The following GTF2F2 variants were observed in gnomAD, a reference collection of about 807,000 sequenced individuals.
The protein encoded by GTF2F2 is general transcription factor IIF subunit 2, also known as ATP-dependent helicase GTF2F2.
A neutral mutation model predicts 42.2 loss-of-function variants in GTF2F2; 23 were observed. That is an observed-to-expected ratio of 0.55 (90% CI 0.39 to 0.77). The LOEUF (loss-of-function observed/expected upper bound fraction) is 0.77, where lower values mean the gene tolerates loss of function less well. Among genes scored for constraint, GTF2F2 ranks in the 30% least tolerant of loss-of-function variants. The pLI is 0.00. For missense variants in GTF2F2, 261 were observed against 287.2 expected, an observed-to-expected ratio of 0.91 and a Z score of 0.66; for synonymous variants, 105 against 100.8, an observed-to-expected ratio of 1.04 and a Z score of -0.25.
At chr13:45,204,936 G>A (rs1873352402) in intron 4 of GTF2F2, among the ~76,000 whole-genome samples, 1 of 152,194 alleles carries the variant, frequency 6.6e-6, no homozygotes, top group South Asian at 2.1e-4. Context: ...GAAGAATAGT[G>A]AGGAGATTGG....
chr13:45,164,111 C>T lies in GTF2F2; in HGVS notation c.304+12280C>T, dbSNP rs149276927. Among the ~76,000 whole-genome samples the T allele has an allele frequency of 1.1e-4, 17 of 152,286 alleles. No individual in the cohort carries two copies. In the East Asian group the frequency reaches 2.3e-3, roughly 21 times the overall value. The stretch of plus-strand genomic sequence containing the variant: ...CCCGGCCAACTTGGCGAAACCCCGT[C>T]TCTACTAAAAATACAAAAATTAGTC... On this transcript the variant is annotated intron_variant, in intron 4 of 7. Coordinates refer to ENST00000340473, the MANE Select transcript of GTF2F2 (RefSeq NM_004128.3).
At chr13:45,194,264 C>T (rs770280879) in intron 4 of GTF2F2, 20 of 1,614,046 alleles carry the variant, frequency 1.2e-5, no homozygotes, top group South Asian at 5.5e-5. Flanking sequence ...CGAAACCCTT[C>T]GGGCAATAGA....
chr13:45,152,069 C>G (rs1359472574), intron 4 of GTF2F2, among the ~76,000 whole-genome samples: 1 of 152,060 alleles, frequency 6.6e-6, no homozygotes, highest in Non-Finnish European at 1.5e-5. Flanking sequence ...GCATGCGCCA[C>G]CATGCCTGGC....
intron 5 of GTF2F2, among the ~76,000 whole-genome samples, chr13:45,238,274 G>A (rs1340651226): frequency 6.6e-6 from 1 of 152,086 alleles, no homozygotes; most frequent in African/African-American, 2.4e-5. Flanking sequence ...TTTAAAGAAT[G>A]AAACTCAAGT....
At chr13:45,156,163 A>G (rs1169430972) in intron 4 of GTF2F2, among the ~76,000 whole-genome samples, 1 of 152,160 alleles carries the variant, frequency 6.6e-6, no homozygotes, top group African/African-American at 2.4e-5. Flanking sequence ...TGTTCAATAG[A>G]TATTTTTGGT....
intron 1 of GTF2F2, among the ~76,000 whole-genome samples, chr13:45,133,634 G>A (rs147725724): frequency 7.2e-4 from 109 of 152,326 alleles, no homozygotes; most frequent in African/African-American, 2.3e-3. Context: ...AGTGAAGGCC[G>A]TGGAATAAGC....
intron 5 of GTF2F2, among the ~76,000 whole-genome samples, chr13:45,229,035 CCA>C (rs1310906855): frequency 1.3e-5 from 2 of 152,124 alleles, no homozygotes; most frequent in African/African-American, 4.8e-5. Context: ...GTGCCTGCCA[CCA>C]CATCCGGCTA....
chr13:45,221,063 C>T (rs1294843108), intron 5 of GTF2F2, among the ~76,000 whole-genome samples: 2 of 152,016 alleles, frequency 1.3e-5, no homozygotes, highest in African/African-American at 4.8e-5. Context: ...CACTCATGTA[C>T]ACCATTCCCC....
chr13:45,227,546 A>T (rs1874420690), intron 5 of GTF2F2, among the ~76,000 whole-genome samples: 1 of 152,240 alleles, frequency 6.6e-6, no homozygotes, highest in South Asian at 2.1e-4. Flanking sequence ...TTTTTAAAAA[A>T]CAAATATCGC....
At chr13:45,265,013 C>T (rs1485697286) in intron 6 of GTF2F2, among the ~76,000 whole-genome samples, 1 of 152,110 alleles carries the variant, frequency 6.6e-6, no homozygotes, top group Non-Finnish European at 1.5e-5. Flanking sequence ...GTAATCCTAG[C>T]ACTTTGGGAG....
intron 5 of GTF2F2, among the ~76,000 whole-genome samples, chr13:45,210,202 C>G (rs1400088648): frequency 1.3e-5 from 2 of 152,182 alleles, no homozygotes; most frequent in Non-Finnish European, 2.9e-5. Context: ...TCTACAGGGT[C>G]CTATGTGATC....
At chr13:45,158,048 TTTG>T (rs1308447753) in intron 4 of GTF2F2, among the ~76,000 whole-genome samples, 1 of 152,246 alleles carries the variant, frequency 6.6e-6, no homozygotes, top group Non-Finnish European at 1.5e-5. Flanking sequence ...ATTTGGTCAT[TTTG>T]TTGTTTCTGT....
intron 5 of GTF2F2, among the ~76,000 whole-genome samples, chr13:45,209,279 A>G (rs1372769964): frequency 1.3e-5 from 2 of 152,210 alleles, no homozygotes; most frequent in Non-Finnish European, 2.9e-5. Flanking sequence ...ATTGTGTTAC[A>G]GTTGCCTACA....
chr13:45,225,698 C>T (rs2138210262), intron 5 of GTF2F2, among the ~76,000 whole-genome samples: 1 of 151,596 alleles, frequency 6.6e-6, no homozygotes, highest in South Asian at 2.1e-4. Flanking sequence ...AGAGCAAAGG[C>T]AAAATATTTC....
intron 4 of GTF2F2, among the ~76,000 whole-genome samples, chr13:45,174,634 CTTT>C (rs397950608): frequency 1.2e-5 from 1 of 81,504 alleles, no homozygotes; most frequent in Non-Finnish European, 2.6e-5. Flanking sequence ...TTTCTTTTTT[CTTT>C]TTTTTTTTTT....
intron 4 of GTF2F2, among the ~76,000 whole-genome samples, chr13:45,171,052 A>G (rs1871570520): frequency 6.7e-6 from 1 of 149,202 alleles, no homozygotes; most frequent in Non-Finnish European, 1.5e-5. Context: ...TGAAAATGCT[A>G]CTGCCTAAAA....
At chr13:45,275,887 C>G (rs1877013911) in intron 7 of GTF2F2, among the ~76,000 whole-genome samples, 1 of 152,194 alleles carries the variant, frequency 6.6e-6, no homozygotes, top group Non-Finnish European at 1.5e-5. Flanking sequence ...CACTGTCTTC[C>G]ACAATGGTTG....
intron 2 of GTF2F2, among the ~76,000 whole-genome samples, chr13:45,143,425 G>A (rs1260995025): frequency 6.6e-6 from 1 of 152,176 alleles, no homozygotes; most frequent in Non-Finnish European, 1.5e-5. Context: ...TGCGTAAATT[G>A]TTTACTCTGT....
At chr13:45,207,131 T>C (rs1308144712) in intron 4 of GTF2F2, 2 of 281,048 alleles carry the variant, frequency 7.1e-6, no homozygotes, top group African/African-American at 4.3e-5. Flanking sequence ...TTTAATTTGA[T>C]TTTATGCCCT....
Sources: gnomAD v4.1 joint callset for allele counts (sites outside exome capture counted in the v4.1 genomes callset) on GRCh38, gnomAD v4.1.1 for gene constraint, MANE v1.5 for transcripts, NCBI Gene and HGNC (gene_info 2026-07-23, HGNC 2026-07-21) for gene names.